Variants in RANBP2 observed in about 807,000 individuals in gnomAD.
RANBP2 encodes the protein E3 SUMO-protein ligase RanBP2.
A neutral mutation model predicts 303.6 loss-of-function variants in RANBP2; 57 were observed. The observed-to-expected ratio is 0.19, with a 90% CI of 0.15 to 0.23. The LOEUF (loss-of-function observed/expected upper bound fraction) is 0.23, where lower values mean the gene tolerates loss of function less well. RANBP2 is among the 10% of genes least tolerant of loss of function. The pLI is 1.00. For synonymous variants in RANBP2, 1,167 were observed against 1,301.5 expected, an observed-to-expected ratio of 0.90 and a Z score of 2.23; for missense variants, 3,138 against 3,780.8, an observed-to-expected ratio of 0.83 and a Z score of 4.46.
At chr2:109,163,141 A>G in the RANBP2 span, among the ~76,000 whole-genome samples, 1,215 of 152,314 alleles carry the variant, frequency 8.0e-3, 74 homozygotes, top group Admixed American at 0.072. Flanking sequence ...AGGACCCAGC[A>G]AGGAGATCCC....
At chr2:109,035,178 CAA>C in the RANBP2 span, among the ~76,000 whole-genome samples, 6 of 152,068 alleles carry the variant, frequency 3.9e-5, no homozygotes, top group African/African-American at 1.4e-4. Flanking sequence ...TAGTTTGTAC[CAA>C]GTCAGGGCTC....
chr2:108,742,625 G>A (rs964123162), intron 7 of RANBP2, among the ~76,000 whole-genome samples: 4 of 152,008 alleles, frequency 2.6e-5, no homozygotes, highest in African/African-American at 4.8e-5. Context: ...TAAAAACACC[G>A]TTGATAGACA....
chr2:109,437,080 A>G, the RANBP2 span: 8 of 1,613,600 alleles, frequency 5.0e-6, no homozygotes, highest in East Asian at 2.2e-5. Context: ...CTCGCCCCCA[A>G]CAGGCAGCTG....
the RANBP2 span, among the ~76,000 whole-genome samples, chr2:109,412,156 G>A: frequency 3.9e-5 from 6 of 152,268 alleles, no homozygotes; most frequent in African/African-American, 9.6e-5. Flanking sequence ...TTCGGCCGCC[G>A]TGGTCCACGA....
the RANBP2 span, among the ~76,000 whole-genome samples, chr2:108,917,991 T>C: frequency 6.6e-6 from 1 of 152,208 alleles, no homozygotes; most frequent in East Asian, 1.9e-4. Context: ...AAAAAATCCA[T>C]CCCAGAATCA....
chr2:108,723,152 A>C (rs2149067890), intron 1 of RANBP2, among the ~76,000 whole-genome samples: 1 of 152,230 alleles, frequency 6.6e-6, no homozygotes, highest in South Asian at 2.1e-4. Context: ...TTAGGACTAC[A>C]GGCAGGCACC....
the RANBP2 span, among the ~76,000 whole-genome samples, chr2:109,121,588 GGA>G: frequency 1.3e-5 from 2 of 152,212 alleles, no homozygotes; most frequent in African/African-American, 4.8e-5. Context: ...ACCTGCAGAT[GGA>G]GAGTGTTCTG....
At chr2:109,617,314 TTTCTATATTTA>T in the RANBP2 span, 1 of 167,106 alleles carries the variant, frequency 6.0e-6, no homozygotes, top group Non-Finnish European at 1.5e-5. Flanking sequence ...GATGGGACTA[TTTCTATATTTA>T]AATGCTGCTG....
the RANBP2 span, among the ~76,000 whole-genome samples, chr2:109,764,481 AAG>A: frequency 6.7e-6 from 1 of 149,452 alleles, no homozygotes; most frequent in Admixed American, 6.9e-5. Context: ...TCTTAAGTAG[AAG>A]ACCTTGTGCT....
the RANBP2 span, among the ~76,000 whole-genome samples, chr2:108,982,855 C>T: frequency 3.9e-5 from 6 of 152,154 alleles, no homozygotes; most frequent in South Asian, 2.1e-4. Context: ...AGGACATTGG[C>T]GGGGTTCACA....
At chr2:109,355,314 G>A in the RANBP2 span, among the ~76,000 whole-genome samples, 1 of 152,196 alleles carries the variant, frequency 6.6e-6, no homozygotes, top group Non-Finnish European at 1.5e-5. Flanking sequence ...GAACTTGTCT[G>A]CTTCATCTGA....
At chr2:109,714,549 C>A in the RANBP2 span, among the ~76,000 whole-genome samples, 1 of 152,092 alleles carries the variant, frequency 6.6e-6, no homozygotes, top group African/African-American at 2.4e-5. Context: ...ATCTGCCTAC[C>A]TTGGCCGCCT....
chr2:108,747,540 G>A (rs1178553992), intron 8 of RANBP2, among the ~76,000 whole-genome samples: 2 of 152,140 alleles, frequency 1.3e-5, no homozygotes, highest in African/African-American at 4.8e-5. Flanking sequence ...TTTTTTTGTG[G>A]GAGTTAGGCT....
At chr2:109,132,067 A>G in the RANBP2 span, among the ~76,000 whole-genome samples, 1 of 152,150 alleles carries the variant, frequency 6.6e-6, no homozygotes, top group African/African-American at 2.4e-5. Flanking sequence ...TTGGTACTTT[A>G]CTGTCCATTG....
the RANBP2 span, among the ~76,000 whole-genome samples, chr2:108,817,222 A>G: frequency 4.6e-5 from 7 of 152,302 alleles, no homozygotes; most frequent in African/African-American, 1.7e-4. Flanking sequence ...AGTAGGTCAG[A>G]GACTCAACCC....
Position 108,781,361 on chromosome 2 carries a change from G to C in RANBP2, c.8692G>C (p.Asp2898His). Residue 2898 changes from aspartate to histidine, a missense_variant, in exon 26 of 29, where the codon GAT becomes CAT. This residue lies in a region of RANBP2 where 68 missense variants were observed against 117.4 expected (regional missense o/e 0.58). Coordinates refer to ENST00000283195, the MANE Select transcript of RANBP2 (RefSeq NM_006267.5). ...AGCCGGTAAAGTTGGTGAAGATGAA[G>C]ATGGTAGTGATGAAGAAGTAGTTCA... ...QSAGKVGEDE[D>H]GSDEEVVHNE... The C allele has an allele frequency of 6.2e-7, 1 of 1,614,192 alleles. No homozygotes were observed. The highest frequency in any genetic ancestry group is 1.1e-5 in the South Asian group (1 of 91,092).
chr2:108,795,092 A>G, the RANBP2 span, among the ~76,000 whole-genome samples: 10 of 150,300 alleles, frequency 6.7e-5, no homozygotes, highest in Non-Finnish European at 7.4e-5. Flanking sequence ...TCTCATCAAA[A>G]TTGAACTCTT....
At chr2:109,517,925 G>A in the RANBP2 span, among the ~76,000 whole-genome samples, 1 of 152,234 alleles carries the variant, frequency 6.6e-6, no homozygotes, top group Non-Finnish European at 1.5e-5. Context: ...TGCAGCTGCA[G>A]AGGGTATGCC....
At chr2:108,999,744 G>GT in the RANBP2 span, among the ~76,000 whole-genome samples, 1,466 of 152,304 alleles carry the variant, frequency 9.6e-3, 13 homozygotes, top group Middle Eastern at 0.017. Flanking sequence ...AGATTAAGTA[G>GT]TTTTTTAAAA....
Sources: allele counts gnomAD v4.1 joint callset (sites outside exome capture counted in the v4.1 genomes callset), GRCh38; gene constraint gnomAD v4.1.1; regional missense constraint gnomAD v4.1.1; transcripts MANE v1.5; gene names NCBI Gene and HGNC (gene_info 2026-07-23, HGNC 2026-07-21).